GRIA4: variants seen among roughly 807,000 people sequenced by gnomAD.
The protein encoded by GRIA4 is glutamate receptor 4.
In GRIA4, 34 loss-of-function variants were observed where a neutral mutation model predicts 104.0. The observed-to-expected ratio is 0.33, with a 90% CI of 0.25 to 0.44. The LOEUF is 0.44. Ranked by LOEUF, GRIA4 falls within the 20% of genes least tolerant of loss-of-function variation. The pLI, the probability that GRIA4 is intolerant of heterozygous loss-of-function variation, is 1.00. For synonymous variants in GRIA4, 386 were observed against 381.9 expected, an observed-to-expected ratio of 1.01 and a Z score of -0.13; for missense variants, 750 against 1,096.5, an observed-to-expected ratio of 0.68 and a Z score of 4.46.
At chr11:105,664,188 C>T (rs1034509588) in intron 3 of GRIA4, among the ~76,000 whole-genome samples, 8 of 148,494 alleles carry the variant, frequency 5.4e-5, no homozygotes, top group Non-Finnish European at 8.9e-5. Context: ...TAGTCATGTG[C>T]GTGATTAGGA....
At chr11:105,888,271 C>CTTTTTTTT (rs71469040) in intron 6 of GRIA4, among the ~76,000 whole-genome samples, 903 of 54,588 alleles carry the variant, frequency 0.017, 239 homozygotes, top group African/African-American at 0.02. Context: ...ATGTTTTCTC[C>CTTTTTTTT]TTTTTTTTTT....
intron 3 of GRIA4, among the ~76,000 whole-genome samples, chr11:105,632,965 CT>C (rs1951076418): frequency 6.6e-6 from 1 of 152,004 alleles, no homozygotes; most frequent in Admixed American, 6.6e-5. Flanking sequence ...GAAAAGGGGT[CT>C]TGAGAATTGT....
At chr11:105,765,005 T>C (rs946623513) in intron 4 of GRIA4, among the ~76,000 whole-genome samples, 1 of 152,106 alleles carries the variant, frequency 6.6e-6, no homozygotes, top group African/African-American at 2.4e-5. Context: ...TGTAGCCAAG[T>C]AGCATGTGAC....
chr11:105,723,920 A>G (rs542160808), intron 3 of GRIA4, among the ~76,000 whole-genome samples: 1 of 152,274 alleles, frequency 6.6e-6, no homozygotes, highest in African/African-American at 2.4e-5. Flanking sequence ...AATGCTCAAC[A>G]TCACTAATAA....
rs75734879 is a variant in GRIA4, at chr11:105,611,559, C to A, written c.88+474C>A. On this transcript the variant is annotated intron_variant, in intron 2 of 16. Coordinates refer to ENST00000282499, the MANE Select transcript of GRIA4 (RefSeq NM_000829.4). ...AGACATTTCCACCCGCACGCCCTGCCGTTTCTTGCTACCAGTTAGCAGATT... is the reference window on the plus strand; with the variant it reads ...AGACATTTCCACCCGCACGCCCTGCAGTTTCTTGCTACCAGTTAGCAGATT... Among the ~76,000 whole-genome samples, 989 of 152,282 alleles carry A rather than the reference C, an allele frequency of 6.5e-3. 8 individuals are homozygous for A. Among genetic ancestry groups the A allele is most frequent in the African/African-American group, 0.022 (934 of 41,554 alleles).
intron 3 of GRIA4, among the ~76,000 whole-genome samples, chr11:105,617,044 T>G (rs541931828): frequency 6.6e-6 from 1 of 150,586 alleles, no homozygotes; most frequent in Admixed American, 6.6e-5. Flanking sequence ...AAACTCCTAA[T>G]TTTTTTTCAA....
At chr11:105,906,843 A>C (rs138092235) in intron 9 of GRIA4, among the ~76,000 whole-genome samples, 116 of 152,322 alleles carry the variant, frequency 7.6e-4, no homozygotes, top group African/African-American at 2.5e-3. Context: ...GCAAGTTTTC[A>C]TTAGAGATCC....
intron 5 of GRIA4, among the ~76,000 whole-genome samples, chr11:105,874,866 C>G (rs1012842195): frequency 1.3e-5 from 2 of 152,112 alleles, no homozygotes; most frequent in Non-Finnish European, 2.9e-5. Context: ...CAAATAGAGA[C>G]AATTTAACTT....
chr11:105,855,924 A>G (rs978728727), intron 4 of GRIA4, among the ~76,000 whole-genome samples: 4 of 152,134 alleles, frequency 2.6e-5, no homozygotes, highest in Admixed American at 6.6e-5. Flanking sequence ...TGAAATCCAA[A>G]TGGAAAAATA....
At chr11:105,785,940 T>C (rs1003767991) in intron 4 of GRIA4, among the ~76,000 whole-genome samples, 16 of 149,230 alleles carry the variant, frequency 1.1e-4, no homozygotes, top group Non-Finnish European at 1.6e-4. Flanking sequence ...AGGCCAGGAG[T>C]TCAAGACCAG....
At chr11:105,740,946 T>G (rs1939267378) in intron 3 of GRIA4, among the ~76,000 whole-genome samples, 1 of 152,092 alleles carries the variant, frequency 6.6e-6, no homozygotes. Flanking sequence ...CCACTGGAAT[T>G]TTAAGTAGGG....
intron 12 of GRIA4, among the ~76,000 whole-genome samples, chr11:105,926,155 G>A (rs995830960): frequency 4.6e-5 from 7 of 152,060 alleles, no homozygotes; most frequent in African/African-American, 1.4e-4. Context: ...AATTCTAGAC[G>A]CTCTTCGGGT....
At chr11:105,737,488 GA>G (rs926873085) in intron 3 of GRIA4, among the ~76,000 whole-genome samples, 41 of 147,044 alleles carry the variant, frequency 2.8e-4, no homozygotes, top group East Asian at 5.9e-4. Context: ...AAAAATAAAA[GA>G]AAAAAAAAAG....
At chr11:105,871,044 G>A (rs1431120029) in intron 5 of GRIA4, among the ~76,000 whole-genome samples, 2 of 151,996 alleles carry the variant, frequency 1.3e-5, no homozygotes, top group Non-Finnish European at 2.9e-5. Context: ...TATTTATTGA[G>A]TGCCTGTTAT....
chr11:105,916,145 C>T (rs1386490296), intron 10 of GRIA4, among the ~76,000 whole-genome samples: 1 of 152,166 alleles, frequency 6.6e-6, no homozygotes, highest in Non-Finnish European at 1.5e-5. Context: ...GATCGCACTA[C>T]TACACTCCAG....
intron 3 of GRIA4, among the ~76,000 whole-genome samples, chr11:105,724,302 C>T (rs941609189): frequency 6.8e-6 from 1 of 147,190 alleles, no homozygotes; most frequent in Admixed American, 7.1e-5. Context: ...CATAAAAGGA[C>T]AATTAGATAA....
intron 4 of GRIA4, among the ~76,000 whole-genome samples, chr11:105,845,200 G>T (rs929587887): frequency 1.3e-5 from 2 of 152,174 alleles, no homozygotes; most frequent in African/African-American, 4.8e-5. Flanking sequence ...TCATGTGTCT[G>T]GTGGTTGGTC....
chr11:105,660,987 C>T (rs1451028809), intron 3 of GRIA4, among the ~76,000 whole-genome samples: 1 of 151,460 alleles, frequency 6.6e-6, no homozygotes, highest in African/African-American at 2.4e-5. Context: ...GTGTTCTTAA[C>T]CTTGACTGTA....
intron 4 of GRIA4, among the ~76,000 whole-genome samples, chr11:105,804,263 G>A (rs570085554): frequency 5.9e-5 from 9 of 151,720 alleles, no homozygotes; most frequent in Non-Finnish European, 8.8e-5. Context: ...ATGATGTAAA[G>A]CTGTCTTTTT....
Sources: gnomAD v4.1 joint callset for allele counts (sites outside exome capture counted in the v4.1 genomes callset) on GRCh38, gnomAD v4.1.1 for gene constraint, MANE v1.5 for transcripts, NCBI Gene and HGNC (gene_info 2026-07-23, HGNC 2026-07-21) for gene names.